The following DYNC2I1 variants were observed in gnomAD, a reference collection of about 807,000 sequenced individuals.
The protein encoded by DYNC2I1 is cytoplasmic dynein 2 intermediate chain 1.
DYNC2I1 carries 89 observed loss-of-function variants against 133.4 expected under a neutral mutation model. That is an observed-to-expected ratio of 0.67 (90% confidence interval 0.56 to 0.80). DYNC2I1 has a LOEUF of 0.80. Among genes scored for constraint, DYNC2I1 ranks in the 30% least tolerant of loss-of-function variants. The pLI, the probability that DYNC2I1 is intolerant of heterozygous loss-of-function variation, is 0.00. For synonymous variants in DYNC2I1, 504 were observed against 484.3 expected (o/e 1.04, Z -0.54); for missense variants, 1,291 against 1,314.5 (o/e 0.98, Z 0.28).
chr7:158,848,696 G>A, the DYNC2I1 span, among the ~76,000 whole-genome samples: 7 of 152,002 alleles, frequency 4.6e-5, no homozygotes, highest in East Asian at 1.9e-4. Flanking sequence ...AGGCCGAGGC[G>A]GGCGGATCAC....
At chr7:158,871,714 A>C (rs1402387934) in intron 3 of DYNC2I1, among the ~76,000 whole-genome samples, 152 bp downstream of exon 3, 2 of 150,318 alleles carry the variant, frequency 1.3e-5, no homozygotes, top group Admixed American at 6.6e-5. Context: ...CTCTGCCCCC[A>C]GGCTAGAGAG....
At chr7:158,910,757 T>C (rs2527239) in intron 11 of DYNC2I1, among the ~76,000 whole-genome samples, 125,374 of 149,418 alleles carry the variant, frequency 0.84, 52,632 homozygotes, top group East Asian at 0.95. Context: ...GTCAGACCTG[T>C]GGGTGGAGGG....
intron 21 of DYNC2I1, among the ~76,000 whole-genome samples, chr7:158,931,060 A>C (rs1232081650): frequency 6.6e-6 from 1 of 152,150 alleles, no homozygotes; most frequent in Non-Finnish European, 1.5e-5. Context: ...ATTTTCTTTT[A>C]AATTGGTCTT....
At chr7:158,910,441 C>T (rs550159376) in intron 11 of DYNC2I1, among the ~76,000 whole-genome samples, 24 of 139,680 alleles carry the variant, frequency 1.7e-4, no homozygotes, top group South Asian at 4.7e-4. Flanking sequence ...GCCTGTGGGC[C>T]GAGGGCAATT....
At chr7:158,886,952 G>A in intron 6 of DYNC2I1, 69 bp from the exon 7 acceptor site, 3 of 1,442,854 alleles carry the variant, frequency 2.1e-6, no homozygotes, top group Non-Finnish European at 1.9e-6. Flanking sequence ...CACTGATATG[G>A]AAAATGTTTT....
chr7:158,938,117 G>A (rs1424538624), intron 23 of DYNC2I1, among the ~76,000 whole-genome samples: 3 of 152,152 alleles, frequency 2.0e-5, no homozygotes, highest in Non-Finnish European at 4.4e-5. Context: ...GTATAGGAAG[G>A]TCAGAGAACA....
At chr7:158,906,140 C>G in intron 11 of DYNC2I1, 49 bp downstream of exon 11, 1 of 1,506,522 alleles carries the variant, frequency 6.6e-7, no homozygotes, top group South Asian at 1.2e-5. Context: ...TTTAGCTTAA[C>G]TTTTCTTTCA....
chr7:158,928,304 C>T (rs1849829845), intron 20 of DYNC2I1, among the ~76,000 whole-genome samples: 1 of 151,028 alleles, frequency 6.6e-6, no homozygotes, highest in Admixed American at 6.6e-5. Context: ...CATTGGCCTC[C>T]CACAACCCAG....
At chr7:158,886,340 G>A (rs913041353) in intron 6 of DYNC2I1, among the ~76,000 whole-genome samples, 3 of 151,774 alleles carry the variant, frequency 2.0e-5, no homozygotes, top group African/African-American at 7.3e-5. Flanking sequence ...CTCCATGTTG[G>A]CCAGACTGGT....
In DYNC2I1 at chr7:158,856,722, G is replaced by T; in HGVS notation, c.-14G>T. Reference sequence around the variant, plus strand: ...GGCCGAGGACACCGCGGCCGCCCGGGCCTGCGGGAAGCGATGGAGCCCGGG... The same window carrying T: ...GGCCGAGGACACCGCGGCCGCCCGGTCCTGCGGGAAGCGATGGAGCCCGGG... On this transcript the variant is annotated 5_prime_UTR_variant, in exon 1 of 25. Transcript: ENST00000407559. The T allele has an allele frequency of 8.1e-7, 1 of 1,234,150 alleles. No individual in the cohort carries two copies. Among genetic ancestry groups the T allele is most frequent in the Admixed American group, 4.2e-5 (1 of 23,678 alleles). The allele number at this position is 1,234,150 out of a possible 1,614,324, so 76.4% of individuals were successfully genotyped here. A position where few individuals can be genotyped will look rare whatever the true frequency, so the allele number is the denominator to read the frequency against.
intron 15 of DYNC2I1, 122 bp from the exon 16 acceptor site, chr7:158,922,255 C>T (rs758578244): frequency 3.9e-5 from 37 of 942,726 alleles, no homozygotes; most frequent in East Asian, 5.2e-5. Flanking sequence ...ATGTTGGTTT[C>T]GAAAGGACCA....
At chr7:158,920,811 A>G (rs1702573411) in intron 15 of DYNC2I1, among the ~76,000 whole-genome samples, 1 of 152,218 alleles carries the variant, frequency 6.6e-6, no homozygotes, top group Non-Finnish European at 1.5e-5. Context: ...TTTGACTCAC[A>G]TTAGATTCTG....
chr7:158,894,755 T>G (rs566165604), intron 8 of DYNC2I1, among the ~76,000 whole-genome samples: 55 of 152,356 alleles, frequency 3.6e-4, no homozygotes, highest in Middle Eastern at 3.4e-3. Context: ...TTAGTTTTGT[T>G]GATAAATTGC....
intron 21 of DYNC2I1, among the ~76,000 whole-genome samples, chr7:158,933,250 A>G (rs570374086): frequency 6.6e-6 from 1 of 152,344 alleles, no homozygotes; most frequent in African/African-American, 2.4e-5. Context: ...AAAACTAAGT[A>G]TAGTTTTTAA....
the DYNC2I1 span, among the ~76,000 whole-genome samples, chr7:158,839,661 T>C: frequency 6.6e-6 from 1 of 151,874 alleles, no homozygotes; most frequent in East Asian, 1.9e-4. Context: ...CTACTAAAAA[T>C]ACAAAAAAAT....
intron 1 of DYNC2I1, among the ~76,000 whole-genome samples, chr7:158,865,612 G>A (rs917334528): frequency 1.3e-4 from 20 of 152,296 alleles, no homozygotes; most frequent in Middle Eastern, 6.8e-3. Flanking sequence ...CATGCTGATG[G>A]TTTTGCTGCT....
chr7:158,946,801 A>G (rs1346634014), downstream of DYNC2I1, among the ~76,000 whole-genome samples: 4 of 152,142 alleles, frequency 2.6e-5, no homozygotes, highest in East Asian at 5.8e-4. Context: ...TGTTCCCAGC[A>G]CCGTTGGCCA....
the DYNC2I1 span, among the ~76,000 whole-genome samples, chr7:158,841,819 G>A: frequency 1.3e-5 from 2 of 152,284 alleles, no homozygotes; most frequent in Middle Eastern, 3.4e-3. Context: ...AGGGAGTGCC[G>A]CAGAAGTGAG....
intron 20 of DYNC2I1, among the ~76,000 whole-genome samples, chr7:158,929,266 T>A (rs1211062824): frequency 2.6e-5 from 4 of 152,234 alleles, no homozygotes; most frequent in Non-Finnish European, 5.9e-5. Context: ...ACCATCTTTT[T>A]ATGAAATGTT....
Sources: allele counts gnomAD v4.1 joint callset (sites outside exome capture counted in the v4.1 genomes callset), GRCh38; gene constraint gnomAD v4.1.1; transcripts MANE v1.5; gene names NCBI Gene and HGNC (gene_info 2026-07-23, HGNC 2026-07-21).